RP1L1: variants seen among roughly 807,000 people sequenced by gnomAD.
RP1L1 encodes RP1 like 1.
Under a neutral mutation model 15.7 loss-of-function variants are expected in RP1L1, and 27 were observed. That is an observed-to-expected ratio of 1.72 (90% CI 1.27 to 2.38). The LOEUF is 2.38. Among genes scored for constraint, RP1L1 ranks in the 30% most tolerant of loss-of-function variants. RP1L1 has a pLI of 0.00. For synonymous variants in RP1L1, 1,813 were observed against 1,276.7 expected (o/e 1.42, Z -8.96); for missense variants, 4,798 against 3,075.9 (o/e 1.56, Z -13.24).
chr8:10,608,982 C>T lies in RP1L1; in HGVS notation c.5116G>A (p.Ala1706Thr), dbSNP rs1407711465. Residue 1706 changes from alanine (A) to threonine (T), a missense_variant, in exon 4 of 4, where the codon GCA becomes ACA. Transcript: ENST00000382483. ...KRGEHTDGEA[A>T]EVAPGKTHTD... ...TGGGTCTTGCCAGGGGCCACCTCTG[C>T]TGCCTCCCCATCAGTGTGTTCTCCC... The T allele has an allele frequency of 1.2e-6, 2 of 1,613,078 alleles. No individual in the cohort carries two copies. Among genetic ancestry groups the T allele is most frequent in the East Asian group, 2.2e-5 (1 of 44,842 alleles).
At chr8:10,632,614 G>T (rs79758732) in intron 1 of RP1L1, among the ~76,000 whole-genome samples, 298 of 152,280 alleles carry the variant, frequency 2.0e-3, no homozygotes, top group African/African-American at 6.9e-3. Context: ...TATTTCTCCC[G>T]CTAGACCAAG....
chr8:10,612,871 C>T lies in RP1L1; in HGVS notation c.1227G>A (p.Thr409=), dbSNP rs201081190. The stretch of plus-strand genomic sequence containing the variant: ...CTCCCTGGGAGGCATGCAGGGGATT[C>T]GTCCAGATTTCATACTTGGGCCCTG... ...GQPGPKYEIW[T]NPLHASQGER... Residue 409 remains threonine (T), a synonymous_variant, in exon 4 of 4, where the codon ACG becomes ACA. Transcript: ENST00000382483. 94 of 1,612,910 alleles carry T rather than the reference C, an allele frequency of 5.8e-5. No individual in the cohort carries two copies. The East Asian group carries it at 1.5e-3, about 26-fold the overall frequency.
At chr8:10,634,443 T>A (rs959023875) in intron 1 of RP1L1, among the ~76,000 whole-genome samples, 1 of 152,020 alleles carries the variant, frequency 6.6e-6, no homozygotes, top group African/African-American at 2.4e-5. Flanking sequence ...CGGTTTTCCG[T>A]GATGTGACAA....
At chr8:10,625,010 G>T (rs1585983116) in intron 1 of RP1L1, among the ~76,000 whole-genome samples, 1 of 152,170 alleles carries the variant, frequency 6.6e-6, no homozygotes, top group Non-Finnish European at 1.5e-5. Context: ...CCCCCACTTT[G>T]TCCAGTGGAT....
chr8:10,625,025 G>A (rs1041229406), intron 1 of RP1L1, among the ~76,000 whole-genome samples: 4 of 152,236 alleles, frequency 2.6e-5, no homozygotes, highest in African/African-American at 9.6e-5. Flanking sequence ...GTGGATGACA[G>A]GGGACAATCA....
At chr8:10,628,891 C>T (rs191077565) in intron 1 of RP1L1, among the ~76,000 whole-genome samples, 1 of 152,322 alleles carries the variant, frequency 6.6e-6, no homozygotes, top group Admixed American at 6.5e-5. Context: ...GTCTCCAGGC[C>T]ACTCATCAGT....
chr8:10,635,428 T>A (rs1201741289), intron 1 of RP1L1, among the ~76,000 whole-genome samples: 3 of 152,172 alleles, frequency 2.0e-5, no homozygotes, highest in Non-Finnish European at 4.4e-5. Flanking sequence ...CACTTTCTGC[T>A]CTCCCAGGTG....
rs200854148 is a variant in RP1L1, at chr8:10,611,171, G to A, written c.2927C>T (p.Ala976Val). ...EEPILMTYEL[A>V]DETTGAAGGG... ...CCCAGCTGCACCTGTGGTCTCGTCC[G>A]CCAACTCATATGTCATGAGTATGGG... The change falls in exon 4 of 4, where the codon GCG becomes GTG. Residue 976 changes from alanine to valine, a missense_variant. Physicochemically the swap from Ala to Val is moderately conservative, Grantham distance 64. Coordinates refer to ENST00000382483, the MANE Select transcript of RP1L1 (RefSeq NM_178857.6). 189 of 1,612,740 alleles carry A rather than the reference G, an allele frequency of 1.2e-4. No individual in the cohort carries two copies. The highest frequency in any genetic ancestry group is 4.9e-4 in the Middle Eastern group (3 of 6,082).
intron 1 of RP1L1, among the ~76,000 whole-genome samples, chr8:10,650,689 G>A (rs531712591): frequency 6.6e-6 from 1 of 151,948 alleles, no homozygotes; most frequent in South Asian, 2.1e-4. Context: ...AGCCTCCCGA[G>A]TAGCTGCAAC....
Position 10,612,880 on chromosome 8 carries a change from T to G in RP1L1, c.1218A>C (p.Glu406Asp), listed in dbSNP as rs1797894012. ...AGGCATGCAGGGGATTCGTCCAGAT[T>G]TCATACTTGGGCCCTGGCTGCCCGC... Reference protein sequence around the residue: ...GRGGQPGPKYEIWTNPLHASQ... With the variant: ...GRGGQPGPKYDIWTNPLHASQ... The change falls in exon 4 of 4, where the codon GAA becomes GAC. Residue 406 changes from glutamate to aspartate, a missense_variant. By Grantham distance (45) the Glu-to-Asp change is conservative. Coordinates refer to ENST00000382483, the MANE Select transcript of RP1L1 (RefSeq NM_178857.6). 6.2e-7 allele frequency: 1 copy of G among 1,612,522 alleles called. No individual in the cohort carries two copies. The highest frequency in any genetic ancestry group is 1.7e-5 in the Admixed American group (1 of 59,996).
chr8:10,611,522 C>T lies in RP1L1; in HGVS notation c.2576G>A (p.Gly859Glu), dbSNP rs911599220. The T allele has an allele frequency of 1.6e-5, 26 of 1,583,122 alleles. No individual in the cohort carries two copies. Among genetic ancestry groups the T allele is most frequent in the Admixed American group, 5.5e-5 (3 of 54,912 alleles). ...AGAGCGCCTCTGGGGGCAGGGCCGC[C>T]CCCTGGGCGGGGTGGGACAGTACCT... Reference protein sequence around the residue: ...CGRYCPTPPRGRPCPQRRSSS... With the variant: ...CGRYCPTPPRERPCPQRRSSS... Residue 859 changes from glycine to glutamate, a missense_variant, in exon 4 of 4, where the codon GGG becomes GAG. Transcript: ENST00000382483.
chr8:10,636,140 T>C (rs1798326604), intron 1 of RP1L1, among the ~76,000 whole-genome samples: 1 of 152,246 alleles, frequency 6.6e-6, no homozygotes, highest in South Asian at 2.1e-4. Context: ...AATGACTTAT[T>C]TGCAACGCAG....
rs1798458790 is a variant in RP1L1, at chr8:10,645,182, C to T, written c.-20+9716G>A. 1.3e-5 allele frequency among the ~76,000 whole-genome samples: 2 copies of T among 152,024 alleles called. 1 individual carries two copies. The highest frequency in any genetic ancestry group is 4.2e-4 in the South Asian group (2 of 4,812). On this transcript the variant is annotated intron_variant, in intron 1 of 3. Coordinates refer to ENST00000382483, the MANE Select transcript of RP1L1 (RefSeq NM_178857.6). Reference sequence around the variant, plus strand: ...TCTCTACAAAAAATAAAAACATTAGCTGGGCGTGGTGGTGCACACCTGTAG... The same window carrying T: ...TCTCTACAAAAAATAAAAACATTAGTTGGGCGTGGTGGTGCACACCTGTAG...
chr8:10,615,778 G>A (rs1489651381), intron 3 of RP1L1, among the ~76,000 whole-genome samples: 5 of 152,196 alleles, frequency 3.3e-5, no homozygotes, highest in African/African-American at 1.2e-4. Context: ...CTGGGCTCAA[G>A]TGATCCTCCT....
chr8:10,624,357 G>C (rs1019764023), intron 1 of RP1L1, among the ~76,000 whole-genome samples: 1 of 152,148 alleles, frequency 6.6e-6, no homozygotes, highest in Non-Finnish European at 1.5e-5. Flanking sequence ...CAAATGTTCT[G>C]ATGTGTATGT....
rs1432748933 is a variant in RP1L1 at position 10,611,532 on chromosome 8, G to A, written c.2566C>T (p.Pro856Ser). The A allele has an allele frequency of 6.3e-7, 1 of 1,588,816 alleles. No individual in the cohort carries two copies. The change falls in exon 4 of 4, where the codon CCG (proline) becomes TCG (serine). Residue 856 changes from proline to serine, a missense_variant. Pro to Ser is a moderately conservative substitution (Grantham distance 74, BLOSUM62 -1). Transcript: ENST00000382483. Reference protein sequence around the residue: ...SWLCGRYCPTPPRGRPCPQRR... With the variant: ...SWLCGRYCPTSPRGRPCPQRR... Reference sequence around the variant, plus strand: ...TGGGGGCAGGGCCGCCCCCTGGGCGGGGTGGGACAGTACCTGCCACACAGC... The same window carrying A: ...TGGGGGCAGGGCCGCCCCCTGGGCGAGGTGGGACAGTACCTGCCACACAGC...
intron 1 of RP1L1, among the ~76,000 whole-genome samples, chr8:10,638,935 A>G (rs1397357195): frequency 6.6e-6 from 1 of 152,070 alleles, no homozygotes; most frequent in Admixed American, 6.5e-5. Context: ...ACTTGAGGCC[A>G]TGAGTTCGAG....
chr8:10,648,717 A>C (rs1047754462), intron 1 of RP1L1, among the ~76,000 whole-genome samples: 1 of 152,194 alleles, frequency 6.6e-6, no homozygotes, highest in African/African-American at 2.4e-5. Flanking sequence ...CCATTCTCTG[A>C]CTTTTATGTG....
chr8:10,620,249 TGCATGGGTTATG>T (rs1413765306), intron 2 of RP1L1, among the ~76,000 whole-genome samples: 2 of 152,180 alleles, frequency 1.3e-5, no homozygotes, highest in Non-Finnish European at 2.9e-5. Context: ...AGAAGTAAGC[TGCATGGGTTATG>T]GCATGGGTTT....
Sources: allele counts gnomAD v4.1 joint callset (sites outside exome capture counted in the v4.1 genomes callset), GRCh38; gene constraint gnomAD v4.1.1; transcripts MANE v1.5; gene names NCBI Gene and HGNC (gene_info 2026-07-23, HGNC 2026-07-21).